FBXW4: variants seen among roughly 807,000 people sequenced by gnomAD.
FBXW4 encodes the protein F-box and WD repeat domain containing 4.
A neutral mutation model predicts 61.8 loss-of-function variants in FBXW4; 40 were observed. The ratio of observed to expected loss-of-function variants is 0.65; its 90% CI spans 0.50 to 0.84. The LOEUF (loss-of-function observed/expected upper bound fraction) is 0.84. FBXW4 is among the 40% of genes least tolerant of loss of function. The pLI, the probability that FBXW4 is intolerant of heterozygous loss-of-function variation, is 0.00. For synonymous variants in FBXW4, 311 were observed against 313.8 expected (o/e 0.99, Z 0.10); for missense variants, 672 against 753.8 (o/e 0.89, Z 1.27).
chr10:101,673,007 T>G lies in FBXW4; in HGVS notation c.1048A>C (p.Thr350Pro). Residue 350 changes from threonine (T) to proline (P), a missense_variant, in exon 4 of 9, where the codon ACT (threonine) becomes CCT (proline). Around this residue, in one of 5 missense-constraint regions of FBXW4, gnomAD observed 312 missense variants for 370.1 expected, o/e 0.84. Transcript: ENST00000331272. ...TGTTCATGAGCCGAGTACTTGACAG[T>G]GAAGGTGCTGTGAATCTTATGAATG... ...IGIHKIHSTF[T>P]VKYSAHEQEV... The G allele has an allele frequency of 6.2e-7, 1 of 1,613,838 alleles. No homozygotes were observed. The highest frequency in any genetic ancestry group is 1.1e-5 in the South Asian group (1 of 91,052).
intron 5 of FBXW4, among the ~76,000 whole-genome samples, chr10:101,642,167 A>G (rs2064059021): frequency 6.6e-6 from 1 of 152,150 alleles, no homozygotes; most frequent in African/African-American, 2.4e-5. Context: ...CTCTATCTCA[A>G]AAAAGTAAAA....
intron 5 of FBXW4, among the ~76,000 whole-genome samples, chr10:101,661,360 A>G (rs2064242748): frequency 6.6e-6 from 1 of 152,104 alleles, no homozygotes; most frequent in African/African-American, 2.4e-5. Context: ...CAGGGTCTTG[A>G]GGAATTGAAA....
At chr10:101,651,249 G>A (rs2064143396) in intron 5 of FBXW4, among the ~76,000 whole-genome samples, 1 of 152,098 alleles carries the variant, frequency 6.6e-6, no homozygotes, top group South Asian at 2.1e-4. Flanking sequence ...TGGCTTCATT[G>A]TGCCCCAGAA....
intron 1 of FBXW4, among the ~76,000 whole-genome samples, chr10:101,677,604 A>C (rs1000125423): frequency 6.6e-6 from 1 of 152,138 alleles, no homozygotes; most frequent in African/African-American, 2.4e-5. Context: ...TGGGTTATAC[A>C]AGTTTATATG....
intron 5 of FBXW4, among the ~76,000 whole-genome samples, chr10:101,636,176 C>T (rs1253131242): frequency 1.1e-4 from 16 of 151,746 alleles, no homozygotes; most frequent in Admixed American, 1.1e-3. Flanking sequence ...ATGGTGAAAC[C>T]CCATCTCTGC....
chr10:101,630,724 G>A (rs189008766), intron 5 of FBXW4, among the ~76,000 whole-genome samples: 1 of 152,196 alleles, frequency 6.6e-6, no homozygotes, highest in Non-Finnish European at 1.5e-5. Flanking sequence ...CACAGGCAGG[G>A]GGCAGGTGAA....
chr10:101,624,714 G>A, intron 6 of FBXW4, 31 bp downstream of exon 6: 1 of 1,612,822 alleles, frequency 6.2e-7, no homozygotes, highest in South Asian at 1.1e-5. Context: ...CTCCTGGACT[G>A]GAAGCCAGCA....
At chr10:101,636,576 T>A (rs534234588) in intron 5 of FBXW4, among the ~76,000 whole-genome samples, 1 of 150,662 alleles carries the variant, frequency 6.6e-6, no homozygotes, top group African/African-American at 2.4e-5. Context: ...ATAATGGTAT[T>A]ATGATTACTA....
intron 4 of FBXW4, among the ~76,000 whole-genome samples, chr10:101,668,532 A>G (rs969393865): frequency 6.6e-6 from 1 of 152,188 alleles, no homozygotes; most frequent in African/African-American, 2.4e-5. Flanking sequence ...GTTTGTTGAT[A>G]ATGCCCAGGA....
chr10:101,682,831 A>G (rs925856680), intron 1 of FBXW4, among the ~76,000 whole-genome samples: 17 of 151,656 alleles, frequency 1.1e-4, no homozygotes, highest in African/African-American at 3.9e-4. Context: ...CTTCAAATTT[A>G]GACTTTGAAA....
chr10:101,630,276 C>A (rs2063941025), intron 5 of FBXW4, among the ~76,000 whole-genome samples: 2 of 152,246 alleles, frequency 1.3e-5, no homozygotes, highest in Admixed American at 6.5e-5. Context: ...TCCAGTGCTC[C>A]TAATTGGAGG....
chr10:101,633,572 T>A (rs1181479341), intron 5 of FBXW4, among the ~76,000 whole-genome samples: 4 of 152,142 alleles, frequency 2.6e-5, no homozygotes, highest in Non-Finnish European at 4.4e-5. Flanking sequence ...GTTCTGTACA[T>A]GTACCCCAGA....
intron 6 of FBXW4, among the ~76,000 whole-genome samples, chr10:101,616,120 T>C (rs1305273566): frequency 6.6e-6 from 1 of 152,150 alleles, no homozygotes; most frequent in Admixed American, 6.5e-5. Context: ...TGTGCCTACC[T>C]GTGCACCTGT....
chr10:101,611,430 A>G lies in FBXW4; in HGVS notation c.1585-20T>C. ...GAAGGCCTGGAAGGGAGGGCACAGG[A>G]AGTGGTAAGAGCTTTCCAAGTGGGA... On this transcript the variant is annotated intron_variant, in intron 8 of 8. Transcript: ENST00000331272. The surrounding 1 kb of genome is among the most constrained non-coding windows in gnomAD (Gnocchi z 4.9). 2 of 1,610,318 alleles carry G rather than the reference A, an allele frequency of 1.2e-6. No individual in the cohort carries two copies. The highest frequency in any genetic ancestry group is 8.5e-7 in the Non-Finnish European group (1 of 1,178,168).
At chr10:101,658,225 G>A (rs1298236731) in intron 5 of FBXW4, among the ~76,000 whole-genome samples, 1 of 152,110 alleles carries the variant, frequency 6.6e-6, no homozygotes, top group Non-Finnish European at 1.5e-5. Flanking sequence ...ACATAGAAAG[G>A]GAGAGGGAGG....
rs916314280 is a variant in FBXW4, at chr10:101,629,285, C to T, written c.1236-4475G>A. On this transcript the variant is annotated intron_variant, in intron 5 of 8. Transcript: ENST00000331272. ...TCATAACACTATGCAGTAGGTACCA[C>T]TTTCCCTTTTTTTTTTTGAGACAGA... 4.6e-5 allele frequency among the ~76,000 whole-genome samples: 7 copies of T among 151,034 alleles called. No homozygotes were observed. In the Middle Eastern group the frequency reaches 0.014, roughly 296 times the overall value.
chr10:101,679,936 G>A (rs960546893), intron 1 of FBXW4, among the ~76,000 whole-genome samples: 1 of 151,810 alleles, frequency 6.6e-6, no homozygotes, highest in African/African-American at 2.4e-5. Flanking sequence ...CACTCTGTAC[G>A]CCTGTGTGTA....
chr10:101,673,862 C>A (rs528951865), intron 2 of FBXW4, among the ~76,000 whole-genome samples, 189 bp from the exon 3 acceptor site: 11 of 152,140 alleles, frequency 7.2e-5, no homozygotes, highest in Non-Finnish European at 1.5e-4. Context: ...AGTAACTGAG[C>A]CTTGTGGTGA....
At position 101,666,187 on chromosome 10, in the gene FBXW4, G is replaced by A. The variant is rs147862540; in HGVS notation, c.1235+1699C>T. On this transcript the variant is annotated intron_variant, in intron 5 of 8. Coordinates refer to ENST00000331272, the MANE Select transcript of FBXW4 (RefSeq NM_022039.4). ...CACTTAGCCTCTCCACTCCCTGCTG[G>A]TCTTTCCTTCCCTCTTTCCTACGAT... is the stretch of plus-strand genomic sequence containing the variant. Among the ~76,000 whole-genome samples, 6 of 152,246 alleles carry A rather than the reference G, an allele frequency of 3.9e-5. No individual in the cohort carries two copies. In the East Asian group the frequency reaches 1.2e-3, roughly 29 times the overall value.
Sources: allele counts gnomAD v4.1 joint callset (sites outside exome capture counted in the v4.1 genomes callset), GRCh38; gene constraint gnomAD v4.1.1; regional missense constraint gnomAD v4.1.1; non-coding constraint Gnocchi (gnomAD v3.1); transcripts MANE v1.5; gene names NCBI Gene and HGNC (gene_info 2026-07-23, HGNC 2026-07-21).